ERBB4: variants seen among roughly 807,000 people sequenced by gnomAD.
ERBB4 encodes receptor tyrosine-protein kinase erbB-4.
A neutral mutation model predicts 158.0 loss-of-function variants in ERBB4; 42 were observed. The observed-to-expected ratio is 0.27, with a 90% CI of 0.21 to 0.34. ERBB4 has a LOEUF of 0.34. Among genes scored for constraint, ERBB4 ranks in the 10% least tolerant of loss-of-function variants. ERBB4 has a pLI of 1.00. For missense variants in ERBB4, 1,333 were observed against 1,624.1 expected, an observed-to-expected ratio of 0.82 and a Z score of 3.08; for synonymous variants, 583 against 558.7, an observed-to-expected ratio of 1.04 and a Z score of -0.61.
intron 1 of ERBB4, among the ~76,000 whole-genome samples, chr2:212,359,843 G>A (rs1328284306): frequency 1.3e-5 from 2 of 151,154 alleles, no homozygotes; most frequent in African/African-American, 4.9e-5. Flanking sequence ...AACAAAGAAT[G>A]TTCTACTTTA....
chr2:212,240,198 T>C (rs2084031613), intron 1 of ERBB4, among the ~76,000 whole-genome samples: 1 of 152,148 alleles, frequency 6.6e-6, no homozygotes, highest in African/African-American at 2.4e-5. Context: ...TCAGCAACAC[T>C]ATCCCAAAAT....
At chr2:212,252,507 G>C (rs992968652) in intron 1 of ERBB4, among the ~76,000 whole-genome samples, 1 of 152,062 alleles carries the variant, frequency 6.6e-6, no homozygotes, top group Non-Finnish European at 1.5e-5. Flanking sequence ...TTAGTAAAAT[G>C]GTAAGGTCCA....
At chr2:212,501,167 T>C (rs564480570) in intron 1 of ERBB4, among the ~76,000 whole-genome samples, 12 of 152,194 alleles carry the variant, frequency 7.9e-5, no homozygotes, top group African/African-American at 2.9e-4. Context: ...CAGCCACACA[T>C]CTAATGACAC....
intron 2 of ERBB4, among the ~76,000 whole-genome samples, chr2:212,007,678 AT>A (rs1274127922): frequency 1.8e-4 from 28 of 152,034 alleles, no homozygotes; most frequent in African/African-American, 5.8e-4. Context: ...ACTTATATTT[AT>A]CTAATCCTTA....
chr2:211,934,042 T>G (rs1173529030), intron 3 of ERBB4, among the ~76,000 whole-genome samples: 1 of 152,002 alleles, frequency 6.6e-6, no homozygotes, highest in Non-Finnish European at 1.5e-5. Context: ...TAAAAGGAAT[T>G]ACATGCGTTT....
chr2:212,466,553 C>T (rs1364729179), intron 1 of ERBB4, among the ~76,000 whole-genome samples: 1 of 152,204 alleles, frequency 6.6e-6, no homozygotes, highest in Non-Finnish European at 1.5e-5. Flanking sequence ...TCTTAGCCTG[C>T]TGCCATCCAA....
intron 5 of ERBB4, among the ~76,000 whole-genome samples, chr2:211,738,527 C>T (rs1241969715): frequency 2.6e-5 from 4 of 151,854 alleles, no homozygotes; most frequent in African/African-American, 7.3e-5. Flanking sequence ...TCTGCCACCA[C>T]ACTCAGCTAA....
chr2:211,667,442 C>T (rs905619898), intron 14 of ERBB4, among the ~76,000 whole-genome samples: 5 of 134,838 alleles, frequency 3.7e-5, no homozygotes, highest in African/African-American at 8.5e-5. Flanking sequence ...GCTCAGAGCT[C>T]GAAAAAAAAA....
chr2:212,459,742 C>G (rs1229547159), intron 1 of ERBB4, among the ~76,000 whole-genome samples: 1 of 152,098 alleles, frequency 6.6e-6, no homozygotes, highest in Non-Finnish European at 1.5e-5. Context: ...TAAAAACAGA[C>G]ACGTAACCCA....
At chr2:212,330,318 C>T (rs1021753858) in intron 1 of ERBB4, among the ~76,000 whole-genome samples, 8 of 152,014 alleles carry the variant, frequency 5.3e-5, no homozygotes, top group African/African-American at 1.9e-4. Flanking sequence ...TACATTAAAA[C>T]AACCTGCAAG....
At chr2:211,547,370 T>C (rs1276208581) in intron 20 of ERBB4, among the ~76,000 whole-genome samples, 1 of 152,104 alleles carries the variant, frequency 6.6e-6, no homozygotes, top group Non-Finnish European at 1.5e-5. Context: ...AGCAAATCAC[T>C]TGACATTCTC....
At chr2:212,122,100 A>C (rs140363114) in intron 2 of ERBB4, among the ~76,000 whole-genome samples, 175 of 151,296 alleles carry the variant, frequency 1.2e-3, no homozygotes, top group African/African-American at 4.1e-3. Context: ...ACATACAAAC[A>C]CATATATATC....
chr2:212,387,559 G>A (rs543927578), intron 1 of ERBB4, among the ~76,000 whole-genome samples: 10 of 151,144 alleles, frequency 6.6e-5, no homozygotes, highest in Admixed American at 2.6e-4. Context: ...CTGGGATTAC[G>A]GGCACACACC....
At chr2:212,091,812 G>T (rs2078786613) in intron 2 of ERBB4, among the ~76,000 whole-genome samples, 1 of 151,992 alleles carries the variant, frequency 6.6e-6, no homozygotes, top group African/African-American at 2.4e-5. Flanking sequence ...AAATAAACTT[G>T]ATTTCCTTCA....
rs1448519302 is a variant in ERBB4 at position 211,382,373 on chromosome 2, G to T, written c.*1242C>A. ...CATAGTCCCTGGATACCGTTGCAAG[G>T]TTCCTAATTTGCTTGGTTTGGCATT... On this transcript the variant is annotated 3_prime_UTR_variant, in exon 28 of 28. Transcript: ENST00000342788. 4.3e-6 allele frequency: 1 copy of T among 232,394 alleles called. No homozygotes were observed. The highest frequency in any genetic ancestry group is 2.2e-5 in the African/African-American group (1 of 45,284). 14.4% of individuals were successfully genotyped at this position (232,394 alleles called of 1,614,324 possible). A position where few individuals can be genotyped will look rare whatever the true frequency, so the allele number is the denominator to read the frequency against.
intron 3 of ERBB4, among the ~76,000 whole-genome samples, chr2:211,835,968 A>G (rs1335155493): frequency 6.6e-6 from 1 of 152,094 alleles, no homozygotes; most frequent in African/African-American, 2.4e-5. Flanking sequence ...GGAAGAGTAT[A>G]CAAGACACAT....
intron 1 of ERBB4, among the ~76,000 whole-genome samples, chr2:212,263,863 A>C (rs1040684450): frequency 6.6e-6 from 1 of 151,662 alleles, no homozygotes; most frequent in Non-Finnish European, 1.5e-5. Flanking sequence ...GGATTGCAAG[A>C]TTCTAATAAT....
chr2:212,489,154 G>A (rs984138572), intron 1 of ERBB4, among the ~76,000 whole-genome samples: 1 of 151,800 alleles, frequency 6.6e-6, no homozygotes, highest in Non-Finnish European at 1.5e-5. Flanking sequence ...AAATAAGACA[G>A]AATTGGCACA....
At position 211,384,149 on chromosome 2, in the gene ERBB4, C is replaced by T. The variant is rs2062635192; in HGVS notation, c.3482-89G>A. 5.3e-6 allele frequency: 5 copies of T among 938,656 alleles called. No homozygotes were observed. The South Asian group carries it at 7.3e-5, about 14-fold the overall frequency. 58.1% of individuals were successfully genotyped at this position (938,656 alleles called of 1,614,324 possible). On this transcript the variant is annotated intron_variant, in intron 27 of 27. Coordinates refer to ENST00000342788, the MANE Select transcript of ERBB4 (RefSeq NM_005235.3). ...TATACATAATGGTTAGCTTCTTTGT[C>T]TAGAACAAAAAAACCCACAGATTTG...
Sources: gnomAD v4.1 joint callset for allele counts (sites outside exome capture counted in the v4.1 genomes callset) on GRCh38, gnomAD v4.1.1 for gene constraint, MANE v1.5 for transcripts, NCBI Gene and HGNC (gene_info 2026-07-23, HGNC 2026-07-21) for gene names.